The following PSD3 variants were observed in gnomAD, a reference collection of about 807,000 sequenced individuals.
PSD3 encodes the protein PH and SEC7 domain-containing protein 3.
Under a neutral mutation model 105.5 loss-of-function variants are expected in PSD3, and 49 were observed. The ratio of observed to expected loss-of-function variants is 0.46; its 90% confidence interval spans 0.37 to 0.59. PSD3 has a LOEUF of 0.59. Ranked by LOEUF, PSD3 falls within the 20% of genes least tolerant of loss-of-function variation. The pLI, the probability that PSD3 is intolerant of heterozygous loss-of-function variation, is 0.00. For missense variants in PSD3, 1,561 were observed against 1,263.8 expected (o/e 1.24, Z -3.57); for synonymous variants, 557 against 457.8 (o/e 1.22, Z -2.77).
At chr8:18,986,586 G>C (rs990173698) in intron 1 of PSD3, among the ~76,000 whole-genome samples, 7 of 146,850 alleles carry the variant, frequency 4.8e-5, no homozygotes, top group Non-Finnish European at 9.0e-5. Context: ...TTCAATGTTT[G>C]AAAAAAAAAA....
intron 1 of PSD3, among the ~76,000 whole-genome samples, chr8:18,970,349 C>CAAAGA (rs1349870068): frequency 9.0e-6 from 1 of 110,610 alleles, no homozygotes; most frequent in Non-Finnish European, 1.8e-5. Flanking sequence ...AAAAAAAAAA[C>CAAAGA]AAAGAAAAGA....
Position 18,804,891 on chromosome 8 carries a change from C to G in PSD3, c.1642G>C (p.Gly548Arg), listed in dbSNP as rs895297821. 3 of 1,602,806 alleles carry G rather than the reference C, an allele frequency of 1.9e-6. No individual in the cohort carries two copies. Among genetic ancestry groups the G allele is most frequent in the Non-Finnish European group, 2.6e-6 (3 of 1,173,678 alleles). ...PEIAFWGSNA[G>R]VKTTRLEAHS... ...GCTTCTAGCCGTGTTGTTTTCACCC[C>G]AGCATTGCTATGATAATTGATAAAG... The change falls in exon 5 of 16, where the codon GGG becomes CGG. Residue 548 changes from glycine to arginine, a missense_variant. Gly to Arg is a moderately radical substitution (Grantham distance 125). Coordinates refer to ENST00000327040, the MANE Select transcript of PSD3 (RefSeq NM_015310.4).
At chr8:18,567,600 T>G (rs1801873048) in intron 14 of PSD3, among the ~76,000 whole-genome samples, 1 of 152,190 alleles carries the variant, frequency 6.6e-6, no homozygotes, top group Non-Finnish European at 1.5e-5. Flanking sequence ...TATATGTTAA[T>G]GATAATTATG....
intron 12 of PSD3, among the ~76,000 whole-genome samples, chr8:18,596,065 C>T (rs952684158): frequency 6.6e-6 from 1 of 151,650 alleles, no homozygotes; most frequent in East Asian, 1.9e-4. Context: ...ATTGTCCAAT[C>T]ACAAAGAAAG....
chr8:18,964,694 C>T (rs1824133581), intron 1 of PSD3, among the ~76,000 whole-genome samples: 1 of 152,082 alleles, frequency 6.6e-6, no homozygotes, highest in Non-Finnish European at 1.5e-5. Context: ...CTAATTTTCC[C>T]CAGAGAGGCA....
chr8:19,011,552 C>A (rs1225543845), intron 1 of PSD3, among the ~76,000 whole-genome samples: 1 of 151,920 alleles, frequency 6.6e-6, no homozygotes, highest in Non-Finnish European at 1.5e-5. Flanking sequence ...TTTTTTATTT[C>A]CAAATTCCCA....
chr8:19,079,891 C>CTTT lies in PSD3; in HGVS notation c.324+4312_324+4314dup, dbSNP rs11462511. On this transcript the variant is annotated intron_variant, in intron 1 of 1. Coordinates refer to the PSD3 transcript ENST00000521475. ...GATAAGCTGAGATAGAAGAAAATAGCTTTTTTTTTTTTTTTTGAGACAGAG... is the reference window on the plus strand; with the variant it reads ...GATAAGCTGAGATAGAAGAAAATAGCTTTTTTTTTTTTTTTTTTTGAGACAGAG... Among the ~76,000 whole-genome samples the CTTT allele has an allele frequency of 1.2e-3, 170 of 136,532 alleles. 1 individual carries two copies. The East Asian group carries it at 0.015, about 12-fold the overall frequency. 89.6% of individuals were successfully genotyped at this position (136,532 alleles called of 152,430 possible).
At chr8:18,778,679 CCTTT>C (rs1487481903) in intron 8 of PSD3, among the ~76,000 whole-genome samples, 3 of 151,060 alleles carry the variant, frequency 2.0e-5, no homozygotes, top group Admixed American at 2.0e-4. Context: ...TTTATGAAAC[CCTTT>C]TTTTGCATTT....
intron 11 of PSD3, among the ~76,000 whole-genome samples, chr8:18,611,798 T>C (rs1429809103): frequency 6.6e-6 from 1 of 152,212 alleles, no homozygotes; most frequent in African/African-American, 2.4e-5. Flanking sequence ...AGCTGTAACC[T>C]AGGAAGCTGT....
chr8:18,903,109 CAG>C (rs1441467667), intron 2 of PSD3, among the ~76,000 whole-genome samples: 3 of 152,118 alleles, frequency 2.0e-5, no homozygotes, highest in Non-Finnish European at 4.4e-5. Context: ...ATCTGTGACT[CAG>C]AGCTACTCCC....
At chr8:18,890,688 A>T (rs1020044460) in intron 2 of PSD3, among the ~76,000 whole-genome samples, 1 of 152,166 alleles carries the variant, frequency 6.6e-6, no homozygotes, top group African/African-American at 2.4e-5. Flanking sequence ...GCAAACCTCT[A>T]TAATTGTCCT....
At chr8:18,929,680 T>C (rs947637277) in intron 2 of PSD3, among the ~76,000 whole-genome samples, 1 of 152,166 alleles carries the variant, frequency 6.6e-6, no homozygotes, top group Non-Finnish European at 1.5e-5. Context: ...CAAACTTTCA[T>C]TCATGCATAT....
chr8:18,925,799 G>A (rs1306101519), intron 2 of PSD3, among the ~76,000 whole-genome samples: 1 of 152,168 alleles, frequency 6.6e-6, no homozygotes, highest in African/African-American at 2.4e-5. Context: ...CCATCCAGCA[G>A]AAAGCCTCCT....
chr8:18,644,482 C>T (rs1053449995), intron 10 of PSD3, among the ~76,000 whole-genome samples: 2 of 152,214 alleles, frequency 1.3e-5, no homozygotes, highest in African/African-American at 2.4e-5. Flanking sequence ...ACAGTCTTTA[C>T]TCCAGTTTCA....
chr8:19,017,467 T>C (rs1827215062), upstream of PSD3, among the ~76,000 whole-genome samples: 1 of 152,230 alleles, frequency 6.6e-6, no homozygotes, highest in African/African-American at 2.4e-5. Context: ...GTGTTTACTA[T>C]ATTCACAGAT....
At chr8:18,991,213 C>T (rs184238758) in intron 1 of PSD3, among the ~76,000 whole-genome samples, 61 of 152,212 alleles carry the variant, frequency 4.0e-4, no homozygotes, top group Non-Finnish European at 7.6e-4. Flanking sequence ...CAGTATTGAA[C>T]TAAGTCAGAC....
At chr8:18,820,194 T>C (rs1812578475) in intron 4 of PSD3, among the ~76,000 whole-genome samples, 1 of 151,382 alleles carries the variant, frequency 6.6e-6, no homozygotes, top group Admixed American at 6.6e-5. Flanking sequence ...TTTTCTTGAT[T>C]TTGTATTTAA....
intron 4 of PSD3, among the ~76,000 whole-genome samples, chr8:18,862,051 G>A (rs1816493741): frequency 6.6e-6 from 1 of 152,154 alleles, no homozygotes. Context: ...ATGGCCGAGT[G>A]GCAGAATAAC....
intron 10 of PSD3, among the ~76,000 whole-genome samples, chr8:18,639,776 C>T (rs1327636865): frequency 6.6e-6 from 1 of 152,070 alleles, no homozygotes; most frequent in East Asian, 1.9e-4. Flanking sequence ...TTATGGCAGC[C>T]AAAGGAAATG....
Sources: gnomAD v4.1 joint callset for allele counts (sites outside exome capture counted in the v4.1 genomes callset) on GRCh38, gnomAD v4.1.1 for gene constraint, MANE v1.5 for transcripts, NCBI Gene and HGNC (gene_info 2026-07-23, HGNC 2026-07-21) for gene names.